LAMA3: variants seen among roughly 807,000 people sequenced by gnomAD.
LAMA3 encodes laminin subunit alpha 3.
A neutral mutation model predicts 402.0 loss-of-function variants in LAMA3; 281 were observed. The observed-to-expected ratio is 0.70, with a 90% confidence interval of 0.63 to 0.77. The LOEUF is 0.77. LAMA3 is among the 30% of genes least tolerant of loss of function. The pLI, the probability that LAMA3 is intolerant of heterozygous loss-of-function variation, is 0.00. For synonymous variants in LAMA3, 1,431 were observed against 1,558.4 expected (o/e 0.92, Z 1.93); for missense variants, 3,840 against 4,215.5 (o/e 0.91, Z 2.47).
At chr18:23,953,311 A>G (rs2082986291) in intron 74 of LAMA3, among the ~76,000 whole-genome samples, 1 of 148,126 alleles carries the variant, frequency 6.8e-6, no homozygotes, top group Non-Finnish European at 1.5e-5. Context: ...CCCTTGCCCC[A>G]AGCCTGTAAT....
At chr18:23,822,159 G>T in intron 19 of LAMA3, 93 bp from the exon 20 acceptor site, 3 of 1,376,684 alleles carry the variant, frequency 2.2e-6, no homozygotes, top group Non-Finnish European at 3.1e-6. Flanking sequence ...TACAAGTCCA[G>T]TAGTGACACT....
At chr18:23,937,000 G>T (rs1206994824) in intron 67 of LAMA3, among the ~76,000 whole-genome samples, 1 of 152,066 alleles carries the variant, frequency 6.6e-6, no homozygotes, top group African/African-American at 2.4e-5. Flanking sequence ...GCAGCCTGTG[G>T]GATGGTTTGG....
chr18:23,690,107 C>T (rs1471062151), intron 1 of LAMA3, 130 bp downstream of exon 1: 2 of 735,104 alleles, frequency 2.7e-6, no homozygotes, highest in South Asian at 2.4e-5. Context: ...GGGCAGCCCC[C>T]ATCCCCGCGC....
At chr18:23,925,166 T>G (rs1599113767) in intron 62 of LAMA3, among the ~76,000 whole-genome samples, 1 of 152,180 alleles carries the variant, frequency 6.6e-6, no homozygotes, top group East Asian at 1.9e-4. Flanking sequence ...GGAGGGACCT[T>G]TTAGACAAAG....
intron 62 of LAMA3, among the ~76,000 whole-genome samples, chr18:23,922,905 G>A (rs577751241): frequency 6.6e-6 from 1 of 152,314 alleles, no homozygotes; most frequent in South Asian, 2.1e-4. Flanking sequence ...TGAGCAGGGT[G>A]GAGCCTGGAG....
chr18:23,779,901 G>A (rs2062401878), intron 11 of LAMA3, among the ~76,000 whole-genome samples: 1 of 152,106 alleles, frequency 6.6e-6, no homozygotes, highest in Non-Finnish European at 1.5e-5. Context: ...TCTAACCATG[G>A]TGCTGTGCAT....
chr18:23,786,619 G>A (rs931762681), intron 12 of LAMA3, among the ~76,000 whole-genome samples: 4 of 152,146 alleles, frequency 2.6e-5, no homozygotes, highest in African/African-American at 9.7e-5. Context: ...AGAGGGAAGT[G>A]TGACCCATAC....
chr18:23,856,593 G>C (rs2064084899), intron 32 of LAMA3, among the ~76,000 whole-genome samples: 1 of 152,076 alleles, frequency 6.6e-6, no homozygotes, highest in Non-Finnish European at 1.5e-5. Context: ...CTGCTCAGCT[G>C]TTTGTGTTTT....
intron 50 of LAMA3, 100 bp from the exon 51 acceptor site, chr18:23,904,453 A>G: frequency 1.6e-6 from 2 of 1,256,712 alleles, no homozygotes; most frequent in Non-Finnish European, 2.2e-6. Context: ...AAAAAAAAAA[A>G]GAAAGAAAAA....
chr18:23,758,233 G>A (rs1323172818), intron 6 of LAMA3, among the ~76,000 whole-genome samples, 163 bp from the exon 7 acceptor site: 1 of 152,188 alleles, frequency 6.6e-6, no homozygotes, highest in Non-Finnish European at 1.5e-5. Context: ...GCAGGATATG[G>A]GAGGCTTAAA....
intron 6 of LAMA3, among the ~76,000 whole-genome samples, chr18:23,756,851 C>T (rs1015061549): frequency 3.2e-4 from 48 of 152,210 alleles, no homozygotes; most frequent in African/African-American, 1.1e-3. Context: ...TCCCCAACCA[C>T]GTGGCAACCA....
Position 23,871,568 on chromosome 18 carries a change from G to T in LAMA3, c.4905G>T (p.Gly1635=). The T allele has an allele frequency of 6.2e-7, 1 of 1,614,208 alleles. No individual in the cohort carries two copies. Among genetic ancestry groups the T allele is most frequent in the East Asian group, 2.2e-5 (1 of 44,894 alleles). Residue 1635 remains glycine (G), a synonymous_variant, in exon 38 of 75, where the codon GGG becomes GGT. Transcript: ENST00000313654. The stretch of plus-strand genomic sequence containing the variant: ...AAAGGCTCACCCTGAGCGAGGTGGG[G>T]CTAGAGGAAGCCTCTGACACAGGAA... ...ETQRLTLSEV[G]LEEASDTGSG...
intron 27 of LAMA3, 92 bp downstream of exon 27, chr18:23,840,021 T>G (rs2063663596): frequency 7.3e-6 from 10 of 1,365,282 alleles, no homozygotes; most frequent in Non-Finnish European, 1.0e-5. Flanking sequence ...GCAATGCAGA[T>G]TCACAGACCC....
At chr18:23,951,114 C>T (rs915918656) in intron 72 of LAMA3, among the ~76,000 whole-genome samples, 1 of 152,222 alleles carries the variant, frequency 6.6e-6, no homozygotes, top group Non-Finnish European at 1.5e-5. Flanking sequence ...TGATTCAACT[C>T]TTGGAAGATC....
Position 23,914,731 on chromosome 18 carries a change from A to C in LAMA3, c.7515A>C (p.Lys2505Asn), listed in dbSNP as rs1430481411. 6.2e-7 allele frequency: 1 copy of C among 1,613,860 alleles called. No individual in the cohort carries two copies. Among genetic ancestry groups the C allele is most frequent in the South Asian group, 1.1e-5 (1 of 91,056 alleles). The change falls in exon 58 of 75, where the codon AAA becomes AAC. Residue 2505 changes from lysine to asparagine, a missense_variant. Transcript: ENST00000313654. The part of the protein sequence containing the change: ...IYQFARLNYT[K>N]GATSSKPETP... ...AGTTTGCAAGGCTTAATTACACCAA[A>C]GGAGCCACATCCAGTAAACCAGAAA... is the stretch of plus-strand genomic sequence containing the variant.
At chr18:23,873,721 A>G (rs1171893351) in intron 38 of LAMA3, among the ~76,000 whole-genome samples, 1 of 152,250 alleles carries the variant, frequency 6.6e-6, no homozygotes, top group Non-Finnish European at 1.5e-5. Context: ...TGGATGCTGC[A>G]TGTATTCTTA....
intron 32 of LAMA3, among the ~76,000 whole-genome samples, chr18:23,852,107 T>C (rs2144668757): frequency 6.6e-6 from 1 of 152,358 alleles, no homozygotes; most frequent in South Asian, 2.1e-4. Flanking sequence ...TTCCTTTCCA[T>C]GGCTGTCTAC....
At chr18:23,747,916 A>G in intron 2 of LAMA3, 27 bp from the exon 3 acceptor site, 1 of 1,258,320 alleles carries the variant, frequency 7.9e-7, no homozygotes, top group Non-Finnish European at 1.2e-6. Context: ...GATGACATTA[A>G]TAACTGTATC....
intron 1 of LAMA3, among the ~76,000 whole-genome samples, chr18:23,711,287 A>C (rs1244274308): frequency 6.6e-6 from 1 of 152,148 alleles, no homozygotes; most frequent in African/African-American, 2.4e-5. Flanking sequence ...CTTTCAAATT[A>C]TTTATTGCTC....
Sources: allele counts gnomAD v4.1 joint callset (sites outside exome capture counted in the v4.1 genomes callset), GRCh38; gene constraint gnomAD v4.1.1; transcripts MANE v1.5; gene names NCBI Gene and HGNC (gene_info 2026-07-23, HGNC 2026-07-21).